FAR1: variants seen among roughly 807,000 people sequenced by gnomAD.
FAR1 encodes the protein fatty acyl-CoA reductase 1.
FAR1 carries 22 observed loss-of-function variants against 61.1 expected under a neutral mutation model. The ratio of observed to expected loss-of-function variants is 0.36; its 90% confidence interval spans 0.26 to 0.51. FAR1 has a LOEUF of 0.51. Ranked by LOEUF, FAR1 falls within the 20% of genes least tolerant of loss-of-function variation. FAR1 has a pLI of 0.95. For missense variants in FAR1, 359 were observed against 626.9 expected (o/e 0.57, Z 4.56); for synonymous variants, 206 against 209.7 (o/e 0.98, Z 0.15).
chr11:13,710,671 T>C (rs370576330), intron 4 of FAR1, 22 bp from the exon 5 acceptor site: 14 of 1,547,812 alleles, frequency 9.0e-6, no homozygotes, highest in Non-Finnish European at 1.1e-5. Context: ...GGAAATATAT[T>C]TGTATGCAAT....
intron 1 of FAR1, among the ~76,000 whole-genome samples, chr11:13,686,325 A>G (rs955686452): frequency 1.3e-5 from 2 of 152,174 alleles, no homozygotes; most frequent in East Asian, 3.8e-4. Context: ...TGGCTGACCC[A>G]TGGAATTTCC....
intron 1 of FAR1, among the ~76,000 whole-genome samples, chr11:13,684,269 A>T (rs149018101): frequency 1.3e-5 from 2 of 152,014 alleles, no homozygotes; most frequent in Admixed American, 1.3e-4. Context: ...AAGAAATGGA[A>T]TGAATTTAAG....
In FAR1 at chr11:13,708,434, T is replaced by TGCGCGC. The variant is rs71485207; in HGVS notation, c.545+364_545+369dup. Among the ~76,000 whole-genome samples, 465 of 134,404 alleles carry TGCGCGC rather than the reference T, an allele frequency of 3.5e-3. 1 individual carries two copies. Among genetic ancestry groups the TGCGCGC allele is most frequent in the African/African-American group, 0.012 (430 of 35,934 alleles). The allele number at this position is 134,404 out of a possible 152,430, so 88.2% of individuals were successfully genotyped here. ...CTCCTCACCCCACCCCATATACATG[T>TGCGCGC]GCGCGCGCGCGCGCACACACACACA... is the stretch of plus-strand genomic sequence containing the variant. On this transcript the variant is annotated intron_variant, in intron 4 of 11. Transcript: ENST00000354817.
intron 1 of FAR1, among the ~76,000 whole-genome samples, chr11:13,669,879 T>C (rs562870338): frequency 9.6e-6 from 1 of 104,590 alleles, no homozygotes; most frequent in African/African-American, 3.6e-5. Flanking sequence ...CTTAATTCTT[T>C]ATGTTAAAAA....
chr11:13,701,941 T>G (rs1278838110), intron 3 of FAR1, among the ~76,000 whole-genome samples: 1 of 152,172 alleles, frequency 6.6e-6, no homozygotes, highest in African/African-American at 2.4e-5. Flanking sequence ...TTTGTATAAG[T>G]TATTAACCGC....
intron 1 of FAR1, among the ~76,000 whole-genome samples, chr11:13,685,966 ATTT>A (rs1190993186): frequency 6.6e-6 from 1 of 152,150 alleles, no homozygotes; most frequent in Non-Finnish European, 1.5e-5. Flanking sequence ...CAGATCATCT[ATTT>A]TAACCCCTTC....
chr11:13,715,783 A>G (rs1432010635), intron 9 of FAR1: 2 of 152,106 alleles, frequency 1.3e-5, no homozygotes, highest in African/African-American at 2.4e-5. Context: ...ATTTTTTTTA[A>G]CTACATTGGC....
Position 13,721,571 on chromosome 11 carries a change from A to C in FAR1, c.1128-159A>C. On this transcript the variant is annotated intron_variant, in intron 9 of 11. Transcript: ENST00000354817. This position sits in a 1 kb window ranked among gnomAD's most constrained non-coding sequence, Gnocchi z 4.2. ...TAAATTGTTCATCCAAGATGCAGAA[A>C]TAGTCTTATTCCCTGCTGATTTGGT... 1.8e-6 allele frequency: 1 copy of C among 565,580 alleles called. No homozygotes were observed. The highest frequency in any genetic ancestry group is 2.9e-6 in the Non-Finnish European group (1 of 339,478). 35.0% of individuals were successfully genotyped at this position (565,580 alleles called of 1,614,324 possible).
At chr11:13,698,287 T>C (rs755178230) in intron 2 of FAR1, among the ~76,000 whole-genome samples, 2 of 152,210 alleles carry the variant, frequency 1.3e-5, no homozygotes, top group Non-Finnish European at 2.9e-5. Context: ...TCTGCTCTCT[T>C]GGACTTGTAT....
At position 13,729,579 on chromosome 11, in the gene FAR1, A is replaced by G. The variant is rs1215312476; in HGVS notation, c.*805A>G. The G allele has an allele frequency of 6.6e-6, 1 of 151,922 alleles. No homozygotes were observed. The highest frequency in any genetic ancestry group is 1.9e-4 in the East Asian group (1 of 5,194). The allele number at this position is 151,922 out of a possible 1,614,324, so 9.4% of individuals were successfully genotyped here. ...TATGATCAAATAAAAATCTTGTGAG[A>G]TTGTTTATGTTTTGAAGCAGGAGGA... On this transcript the variant is annotated 3_prime_UTR_variant, in exon 12 of 12. Coordinates refer to ENST00000354817, the MANE Select transcript of FAR1 (RefSeq NM_032228.6).
chr11:13,696,794 A>G (rs1413760065), intron 2 of FAR1, among the ~76,000 whole-genome samples: 3 of 152,140 alleles, frequency 2.0e-5, no homozygotes, highest in African/African-American at 7.2e-5. Context: ...TTTATGTCAA[A>G]TAGCAGTGAG....
Position 13,703,168 on chromosome 11 carries a change from GTTTGTTTTTGTT to G in FAR1, c.365+2696_365+2707del, listed in dbSNP as rs79020181. ...AACAACTTCGTATGAAAGAATTACTGTTTGTTTTTGTTTTTGTTTTTGTTTTTGTTTGAGATA... is the reference window on the plus strand; with the variant it reads ...AACAACTTCGTATGAAAGAATTACTGTTTGTTTTTGTTTTTGTTTGAGATA... On this transcript the variant is annotated intron_variant, in intron 3 of 11. Coordinates refer to ENST00000354817, the MANE Select transcript of FAR1 (RefSeq NM_032228.6). Among the ~76,000 whole-genome samples the G allele has an allele frequency of 3.0e-4, 46 of 151,802 alleles. 2 individuals carry two copies. In the Middle Eastern group the frequency reaches 0.01, roughly 34 times the overall value.
intron 4 of FAR1, among the ~76,000 whole-genome samples, chr11:13,708,599 G>C (rs1373593748): frequency 6.6e-6 from 1 of 152,012 alleles, no homozygotes; most frequent in African/African-American, 2.4e-5. Flanking sequence ...CAAGTATAAT[G>C]GTAATATTTG....
At position 13,728,981 on chromosome 11, in the gene FAR1, T is replaced by A. The variant is rs1848693841; in HGVS notation, c.*207T>A. 1 of 427,574 alleles carries A rather than the reference T, an allele frequency of 2.3e-6. No individual in the cohort carries two copies. Among genetic ancestry groups the A allele is most frequent in the Non-Finnish European group, 4.2e-6 (1 of 238,710 alleles). The allele number at this position is 427,574 out of a possible 1,614,324, so 26.5% of individuals were successfully genotyped here. A position where few individuals can be genotyped will look rare whatever the true frequency, so the allele number is the denominator to read the frequency against. On this transcript the variant is annotated 3_prime_UTR_variant, in exon 12 of 12. Transcript: ENST00000354817. Reference sequence around the variant, plus strand: ...ACACTGTGTTATGCCAGCTCAAATCTACAGTAGCCACCAAAACCATGACTT... The same window carrying A: ...ACACTGTGTTATGCCAGCTCAAATCAACAGTAGCCACCAAAACCATGACTT...
At chr11:13,702,045 T>G (rs1007340137) in intron 3 of FAR1, among the ~76,000 whole-genome samples, 1 of 152,210 alleles carries the variant, frequency 6.6e-6, no homozygotes, top group Non-Finnish European at 1.5e-5. Flanking sequence ...ATGTCTCAGT[T>G]TGACTGTCCA....
At chr11:13,696,897 A>G (rs1565344383) in intron 2 of FAR1, among the ~76,000 whole-genome samples, 1 of 152,208 alleles carries the variant, frequency 6.6e-6, no homozygotes, top group Admixed American at 6.5e-5. Flanking sequence ...ACATACCACC[A>G]TATGGGACAT....
At chr11:13,726,628 G>C (rs963127234) in intron 10 of FAR1, among the ~76,000 whole-genome samples, 4 of 151,580 alleles carry the variant, frequency 2.6e-5, no homozygotes, top group Non-Finnish European at 5.9e-5. Context: ...GGGCAGGGAT[G>C]GGGGCAGTGG....
chr11:13,674,859 G>C (rs988260846), intron 1 of FAR1, among the ~76,000 whole-genome samples: 1 of 152,116 alleles, frequency 6.6e-6, no homozygotes, highest in Non-Finnish European at 1.5e-5. Context: ...GATGTACAAA[G>C]AAGAACACTC....
chr11:13,720,782 A>AT (rs1848602429), intron 9 of FAR1: 2 of 152,106 alleles, frequency 1.3e-5, no homozygotes, highest in South Asian at 4.2e-4. Flanking sequence ...TGAAATCTTT[A>AT]AAAAGTACTT....
Sources: gnomAD v4.1 joint callset for allele counts (sites outside exome capture counted in the v4.1 genomes callset) on GRCh38, gnomAD v4.1.1 for gene constraint, Gnocchi (gnomAD v3.1) non-coding constraint, MANE v1.5 for transcripts, NCBI Gene and HGNC (gene_info 2026-07-23, HGNC 2026-07-21) for gene names.